The following SVIL variants were observed in gnomAD, a reference collection of about 807,000 sequenced individuals.
SVIL encodes archvillin.
Under a neutral mutation model 240.4 loss-of-function variants are expected in SVIL, and 101 were observed. The ratio of observed to expected loss-of-function variants is 0.42; its 90% CI spans 0.36 to 0.50. SVIL has a LOEUF of 0.50. Among genes scored for constraint, SVIL ranks in the 20% least tolerant of loss-of-function variants. SVIL has a pLI of 0.01. For synonymous variants in SVIL, 999 were observed against 1,100.0 expected (o/e 0.91, Z 1.82); for missense variants, 2,512 against 2,818.7 (o/e 0.89, Z 2.46).
rs969380028 is a variant in SVIL, at chr10:29,458,221, G to A, written c.*26C>T. ...TGCAGTGGTGTTGTTGGACGTGACCGTGAGGCTCCTCTGGCGTCTCCCCAC... is the reference window on the plus strand; with the variant it reads ...TGCAGTGGTGTTGTTGGACGTGACCATGAGGCTCCTCTGGCGTCTCCCCAC... On this transcript the variant is annotated 3_prime_UTR_variant, in exon 38 of 38. Coordinates refer to ENST00000355867, the MANE Select transcript of SVIL (RefSeq NM_021738.3). 24 of 1,608,712 alleles carry A rather than the reference G, an allele frequency of 1.5e-5. No homozygotes were observed. The highest frequency in any genetic ancestry group is 5.5e-5 in the South Asian group (5 of 90,878).
In SVIL at chr10:29,457,941, G is replaced by T; in HGVS notation, c.*306C>A. The T allele has an allele frequency of 1.2e-5, 2 of 171,544 alleles. No homozygotes were observed. Among genetic ancestry groups the T allele is most frequent in the Non-Finnish European group, 1.1e-5 (1 of 88,052 alleles). 10.6% of individuals were successfully genotyped at this position (171,544 alleles called of 1,614,324 possible). A position where few individuals can be genotyped will look rare whatever the true frequency, so the allele number is the denominator to read the frequency against. On this transcript the variant is annotated 3_prime_UTR_variant, in exon 38 of 38. Transcript: ENST00000355867. Reference sequence around the variant, plus strand: ...AACTGCTTCAAAAAAAAAAAAAAAAGGCATTGCCTAGCTGGAACAAGAAGG... The same window carrying T: ...AACTGCTTCAAAAAAAAAAAAAAAATGCATTGCCTAGCTGGAACAAGAAGG...
At chr10:29,684,377 G>A (rs988235573) in intron 2 of SVIL, among the ~76,000 whole-genome samples, 78 of 152,118 alleles carry the variant, frequency 5.1e-4, no homozygotes, top group African/African-American at 1.8e-3. Context: ...GCTTTACAGA[G>A]ACAGAAGACA....
chr10:29,627,849 A>G (rs17768419), intron 1 of SVIL, among the ~76,000 whole-genome samples: 13,307 of 152,276 alleles, frequency 0.087, 752 homozygotes, highest in Admixed American at 0.13. Flanking sequence ...AGCACTTCCA[A>G]TAAAAAATGT....
At chr10:29,517,085 A>G (rs61849347) in intron 16 of SVIL, among the ~76,000 whole-genome samples, 11,009 of 152,142 alleles carry the variant, frequency 0.072, 455 homozygotes, top group South Asian at 0.11. Flanking sequence ...TGAATGAACT[A>G]AAGTGTCTTT....
At chr10:29,651,185 A>G (rs1958822433) in intron 3 of SVIL, among the ~76,000 whole-genome samples, 1 of 152,174 alleles carries the variant, frequency 6.6e-6, no homozygotes, top group African/African-American at 2.4e-5. Flanking sequence ...CAGATGCAAC[A>G]TTCATACCCA....
In SVIL at chr10:29,530,591, C is replaced by A. The variant is rs367560027; in HGVS notation, c.2106+16G>T. 3 of 1,613,884 alleles carry A rather than the reference C, an allele frequency of 1.9e-6. No individual in the cohort carries two copies. Among genetic ancestry groups the A allele is most frequent in the Non-Finnish European group, 2.5e-6 (3 of 1,179,972 alleles). On this transcript the variant is annotated intron_variant, in intron 11 of 37. Coordinates refer to ENST00000355867, the MANE Select transcript of SVIL (RefSeq NM_021738.3). ...CCCAGTAGGGATCTCTATTCAAGCACGTCAGCACAGCTTACCCTGAAAAGC... is the reference window on the plus strand; with the variant it reads ...CCCAGTAGGGATCTCTATTCAAGCAAGTCAGCACAGCTTACCCTGAAAAGC...
chr10:29,517,973 A>T (rs1950323575), intron 16 of SVIL, among the ~76,000 whole-genome samples: 1 of 152,238 alleles, frequency 6.6e-6, no homozygotes, highest in South Asian at 2.1e-4. Flanking sequence ...TTAAACACAC[A>T]TCATTTGGAC....
chr10:29,517,493 T>G (rs1230520051), intron 16 of SVIL, among the ~76,000 whole-genome samples: 2 of 152,212 alleles, frequency 1.3e-5, no homozygotes, highest in Non-Finnish European at 2.9e-5. Flanking sequence ...TGCCGCTCTA[T>G]TCTTATTCCT....
intron 18 of SVIL, among the ~76,000 whole-genome samples, chr10:29,495,749 A>G (rs975491613): frequency 6.6e-6 from 1 of 152,202 alleles, no homozygotes; most frequent in African/African-American, 2.4e-5. Context: ...GTGGGCAGAA[A>G]CAGGAAATGC....
intron 12 of SVIL, among the ~76,000 whole-genome samples, chr10:29,529,175 C>CAGAAAAAA (rs1491188568): frequency 3.0e-5 from 2 of 66,070 alleles, no homozygotes; most frequent in African/African-American, 1.1e-4. Context: ...GACTCTCTCT[C>CAGAAAAAA]AAAAAAAAAA....
chr10:29,624,157 A>T, intron 1 of SVIL, among the ~76,000 whole-genome samples: 1 of 102,288 alleles, frequency 9.8e-6, no homozygotes. Flanking sequence ...CCTTTATTAA[A>T]TGAGCTTTCA....
At chr10:29,631,639 G>C (rs1200747459) in intron 1 of SVIL, among the ~76,000 whole-genome samples, 1 of 152,202 alleles carries the variant, frequency 6.6e-6, no homozygotes, top group East Asian at 1.9e-4. Flanking sequence ...GCCGGGCGTG[G>C]TGGCGGACAC....
chr10:29,622,944 C>A (rs1367256021), intron 1 of SVIL, among the ~76,000 whole-genome samples: 1 of 152,144 alleles, frequency 6.6e-6, no homozygotes. Context: ...ATCCATAATT[C>A]AAAATGCAGA....
intron 2 of SVIL, among the ~76,000 whole-genome samples, chr10:29,678,239 T>G (rs1462782775): frequency 6.6e-6 from 1 of 151,894 alleles, no homozygotes; most frequent in African/African-American, 2.4e-5. Context: ...CACCATAATG[T>G]AGAATCAGTG....
At chr10:29,691,503 G>A (rs142788311) in intron 1 of SVIL, among the ~76,000 whole-genome samples, 236 of 152,238 alleles carry the variant, frequency 1.6e-3, no homozygotes, top group East Asian at 4.4e-3. Flanking sequence ...GAGCCACCGC[G>A]CCCAGCCCCA....
intron 2 of SVIL, among the ~76,000 whole-genome samples, chr10:29,679,964 C>T (rs953438049): frequency 2.2e-4 from 34 of 151,812 alleles, no homozygotes; most frequent in African/African-American, 8.0e-4. Context: ...AGGAGGATTG[C>T]TTGAGCCCAG....
Position 29,488,683 on chromosome 10 carries a change from G to A in SVIL, c.4266C>T (p.Ser1422=). 6.2e-7 allele frequency: 1 copy of A among 1,612,864 alleles called. No homozygotes were observed. Among genetic ancestry groups the A allele is most frequent in the Non-Finnish European group, 8.5e-7 (1 of 1,179,518 alleles). ...LASKENFSNV[S]LRSVNLTEQN... ...GTTCCGTCAGGTTGACGCTCCGCAG[G>A]CTGACGTTGCTGAAGTTTTCTTTAC... The change falls in exon 23 of 38, where the codon AGC becomes AGT. Residue 1422 remains serine (S), a synonymous_variant. Transcript: ENST00000355867.
intron 1 of SVIL, among the ~76,000 whole-genome samples, chr10:29,625,521 C>G (rs17566613): frequency 4.6e-5 from 7 of 151,858 alleles, no homozygotes; most frequent in Admixed American, 1.3e-4. Flanking sequence ...TGGAGTGCAG[C>G]GGCGCGATCT....
intron 36 of SVIL, 33 bp downstream of exon 36, chr10:29,462,244 A>G (rs1455268246): frequency 6.2e-7 from 1 of 1,608,278 alleles, no homozygotes. Flanking sequence ...AAGGCGCAGG[A>G]GCCACCTTCA....
Sources: gnomAD v4.1 joint callset for allele counts (sites outside exome capture counted in the v4.1 genomes callset) on GRCh38, gnomAD v4.1.1 for gene constraint, MANE v1.5 for transcripts, NCBI Gene and HGNC (gene_info 2026-07-23, HGNC 2026-07-21) for gene names.